Variants in DLG2 observed in about 807,000 individuals in gnomAD.
DLG2 encodes the protein disks large homolog 2.
A neutral mutation model predicts 132.5 loss-of-function variants in DLG2; 45 were observed. The observed-to-expected ratio is 0.34, with a 90% confidence interval of 0.27 to 0.44. The LOEUF is 0.44. Among genes scored for constraint, DLG2 ranks in the 20% least tolerant of loss-of-function variants. The pLI, the probability that DLG2 is intolerant of heterozygous loss-of-function variation, is 1.00. For synonymous variants in DLG2, 424 were observed against 419.6 expected, an observed-to-expected ratio of 1.01 and a Z score of -0.13; for missense variants, 1,045 against 1,196.9, an observed-to-expected ratio of 0.87 and a Z score of 1.87.
At chr11:85,493,944 T>G (rs2093617425) in intron 3 of DLG2, among the ~76,000 whole-genome samples, 1 of 152,124 alleles carries the variant, frequency 6.6e-6, no homozygotes, top group Non-Finnish European at 1.5e-5. Context: ...AGGATTGGCA[T>G]TCAGTGAGGG....
chr11:84,464,209 A>T (rs78692361), intron 7 of DLG2, among the ~76,000 whole-genome samples: 1 of 151,116 alleles, frequency 6.6e-6, no homozygotes. Flanking sequence ...CCTAGTCTCA[A>T]GTTTTGCATA....
chr11:84,570,095 A>C (rs1246750243), intron 6 of DLG2, among the ~76,000 whole-genome samples: 2 of 152,192 alleles, frequency 1.3e-5, no homozygotes, highest in Non-Finnish European at 2.9e-5. Context: ...GGACCTGTTA[A>C]TCTATATTTG....
intron 6 of DLG2, among the ~76,000 whole-genome samples, chr11:84,581,407 G>A (rs1464358708): frequency 1.3e-5 from 2 of 151,870 alleles, no homozygotes; most frequent in Admixed American, 1.3e-4. Flanking sequence ...CCAGCATTAC[G>A]ACTATATATA....
intron 3 of DLG2, among the ~76,000 whole-genome samples, chr11:85,407,934 T>A (rs1445702698): frequency 6.6e-6 from 1 of 151,456 alleles, no homozygotes; most frequent in Non-Finnish European, 1.5e-5. Context: ...CTGTTGGAAG[T>A]CTTTTGGAGT....
At chr11:84,562,643 ATAG>A (rs892435391) in intron 6 of DLG2, among the ~76,000 whole-genome samples, 2 of 152,122 alleles carry the variant, frequency 1.3e-5, no homozygotes, top group Admixed American at 1.3e-4. Flanking sequence ...AGCAACTGCT[ATAG>A]TAGATGTGTC....
intron 18 of DLG2, among the ~76,000 whole-genome samples, chr11:83,639,746 T>C (rs994170461): frequency 1.5e-4 from 22 of 149,946 alleles, no homozygotes; most frequent in Admixed American, 5.3e-4. Flanking sequence ...ACCCTAAAAC[T>C]TAAAGTATAA....
At chr11:84,414,541 A>G (rs2098922168) in intron 7 of DLG2, among the ~76,000 whole-genome samples, 2 of 152,194 alleles carry the variant, frequency 1.3e-5, no homozygotes, top group Admixed American at 1.3e-4. Flanking sequence ...TGGGTATTAT[A>G]TTCGGACTGA....
intron 4 of DLG2, among the ~76,000 whole-genome samples, chr11:85,212,021 C>T (rs1565165328): frequency 6.6e-6 from 1 of 152,100 alleles, no homozygotes; most frequent in South Asian, 2.1e-4. Context: ...TTATCTCCCT[C>T]ATCAAAATTC....
intron 7 of DLG2, among the ~76,000 whole-genome samples, chr11:84,256,338 G>C (rs1392792250): frequency 1.3e-5 from 2 of 152,134 alleles, no homozygotes; most frequent in African/African-American, 2.4e-5. Flanking sequence ...CAAGGTATTG[G>C]CAGGAAATGT....
At chr11:83,527,806 T>C (rs1462066360) in intron 21 of DLG2, among the ~76,000 whole-genome samples, 13 of 152,156 alleles carry the variant, frequency 8.5e-5, no homozygotes, top group African/African-American at 2.9e-4. Flanking sequence ...CTTTCTTAAA[T>C]TATAGACTTA....
intron 7 of DLG2, among the ~76,000 whole-genome samples, chr11:84,315,051 A>G (rs1266981911): frequency 6.6e-6 from 1 of 152,106 alleles, no homozygotes; most frequent in African/African-American, 2.4e-5. Flanking sequence ...TGTGAATGGG[A>G]GGGAAAATGT....
intron 6 of DLG2, among the ~76,000 whole-genome samples, chr11:84,562,141 A>C (rs2099429897): frequency 6.6e-6 from 1 of 152,140 alleles, no homozygotes; most frequent in Non-Finnish European, 1.5e-5. Flanking sequence ...CCCTTGATCT[A>C]GAAGGAACTC....
chr11:84,044,803 C>T (rs1198712152), intron 11 of DLG2, among the ~76,000 whole-genome samples: 2 of 151,752 alleles, frequency 1.3e-5, no homozygotes, highest in Non-Finnish European at 2.9e-5. Flanking sequence ...GTGTGCTCTT[C>T]TCTGGATTTA....
intron 6 of DLG2, among the ~76,000 whole-genome samples, chr11:85,025,557 G>A (rs2060444178): frequency 6.6e-6 from 1 of 152,052 alleles, no homozygotes; most frequent in South Asian, 2.1e-4. Context: ...TCTTGTATAG[G>A]ATTACTTAAT....
intron 6 of DLG2, among the ~76,000 whole-genome samples, chr11:84,713,082 T>C (rs1596314550): frequency 6.6e-6 from 1 of 152,284 alleles, no homozygotes. Flanking sequence ...CTCATCAGTG[T>C]ACCTTACATT....
At chr11:85,205,852 A>C (rs1421135411) in intron 4 of DLG2, among the ~76,000 whole-genome samples, 3 of 152,210 alleles carry the variant, frequency 2.0e-5, no homozygotes, top group Non-Finnish European at 4.4e-5. Context: ...AGACTTACTC[A>C]AGATCCAATC....
At chr11:83,704,653 C>CT (rs1395277354) in intron 18 of DLG2, among the ~76,000 whole-genome samples, 4 of 103,238 alleles carry the variant, frequency 3.9e-5, no homozygotes, top group Non-Finnish European at 7.5e-5. Context: ...CCCGTCTCTA[C>CT]TAAAAAAAAA....
At chr11:83,645,016 A>G (rs2067726817) in intron 18 of DLG2, among the ~76,000 whole-genome samples, 1 of 152,152 alleles carries the variant, frequency 6.6e-6, no homozygotes, top group African/African-American at 2.4e-5. Context: ...TAGTGGATAG[A>G]AAACCTGGAG....
intron 3 of DLG2, among the ~76,000 whole-genome samples, chr11:85,467,123 G>T (rs187852173): frequency 1.3e-5 from 2 of 152,104 alleles, no homozygotes; most frequent in African/African-American, 4.8e-5. Context: ...TCTGTTATGG[G>T]TGTATAAGAA....
Sources: allele counts gnomAD v4.1 joint callset (sites outside exome capture counted in the v4.1 genomes callset), GRCh38; gene constraint gnomAD v4.1.1; transcripts MANE v1.5; gene names NCBI Gene and HGNC (gene_info 2026-07-23, HGNC 2026-07-21).